DCC: variants seen among roughly 807,000 people sequenced by gnomAD.
DCC encodes the protein DCC netrin 1 receptor, also known as netrin receptor DCC.
Under a neutral mutation model 172.5 loss-of-function variants are expected in DCC, and 58 were observed. The observed-to-expected ratio is 0.34, with a 90% CI of 0.27 to 0.42. The LOEUF is 0.42. DCC is among the 10% of genes least tolerant of loss of function. DCC has a pLI of 1.00. For synonymous variants in DCC, 709 were observed against 644.5 expected (o/e 1.10, Z -1.52); for missense variants, 1,740 against 1,791.0 (o/e 0.97, Z 0.51).
chr18:52,686,266 C>A (rs1186719680), intron 1 of DCC, among the ~76,000 whole-genome samples: 2 of 152,142 alleles, frequency 1.3e-5, no homozygotes, highest in African/African-American at 4.8e-5. Flanking sequence ...GGCCACATAT[C>A]ATTGTGGCTA....
chr18:53,369,280 G>C (rs1041916311), intron 15 of DCC, among the ~76,000 whole-genome samples: 1 of 151,634 alleles, frequency 6.6e-6, no homozygotes, highest in Admixed American at 6.6e-5. Flanking sequence ...GTGTTATTTT[G>C]CTAAATTCGT....
At chr18:52,619,053 T>C (rs2144855785) in intron 1 of DCC, among the ~76,000 whole-genome samples, 1 of 152,310 alleles carries the variant, frequency 6.6e-6, no homozygotes, top group Non-Finnish European at 1.5e-5. Context: ...TTCTTGTGCC[T>C]CAGCCTCCTG....
intron 2 of DCC, among the ~76,000 whole-genome samples, chr18:52,898,800 G>GT (rs1267561240): frequency 6.6e-6 from 1 of 151,956 alleles, no homozygotes; most frequent in Non-Finnish European, 1.5e-5. Context: ...AAATATTTGG[G>GT]TTGTGCCTAG....
chr18:53,115,993 G>T (rs2043403781), intron 7 of DCC, among the ~76,000 whole-genome samples: 1 of 151,500 alleles, frequency 6.6e-6, no homozygotes, highest in Non-Finnish European at 1.5e-5. Context: ...GTGGGGAATG[G>T]TTCAAAGTAG....
intron 11 of DCC, among the ~76,000 whole-genome samples, chr18:53,213,863 A>G (rs1045863592): frequency 1.4e-5 from 2 of 147,902 alleles, no homozygotes; most frequent in African/African-American, 5.1e-5. Flanking sequence ...AATAGATTAA[A>G]TAATAATACA....
At chr18:52,789,065 T>C (rs2037712522) in intron 2 of DCC, among the ~76,000 whole-genome samples, 1 of 152,102 alleles carries the variant, frequency 6.6e-6, no homozygotes, top group Admixed American at 6.6e-5. Context: ...CTTCCGTAAC[T>C]ACGATTAGAC....
chr18:52,610,151 TAAAAAAAAAAAAAAA>T (rs1171109968), intron 1 of DCC, among the ~76,000 whole-genome samples: 298 of 19,016 alleles, frequency 0.016, 16 homozygotes, highest in African/African-American at 0.039. Context: ...CCATCTCTCA[TAAAAAAAAAAAAAAA>T]AAAAAAAAAA....
intron 7 of DCC, among the ~76,000 whole-genome samples, chr18:53,135,477 C>G (rs1171373203): frequency 2.6e-5 from 4 of 152,116 alleles, no homozygotes; most frequent in Non-Finnish European, 2.9e-5. Context: ...CTCCTTATCC[C>G]ACATCTGAAT....
intron 1 of DCC, among the ~76,000 whole-genome samples, chr18:52,748,036 G>C (rs1248005826): frequency 6.6e-6 from 1 of 152,184 alleles, no homozygotes; most frequent in Admixed American, 6.5e-5. Context: ...CGGTCGGCTC[G>C]TGCTACGACC....
intron 1 of DCC, among the ~76,000 whole-genome samples, chr18:52,596,411 A>G (rs890983865): frequency 2.6e-5 from 4 of 152,320 alleles, no homozygotes; most frequent in African/African-American, 9.6e-5. Flanking sequence ...CTTAGAGATC[A>G]TTTAACCTGA....
intron 5 of DCC, among the ~76,000 whole-genome samples, chr18:52,971,141 A>G (rs1041319050): frequency 6.6e-6 from 1 of 152,126 alleles, no homozygotes; most frequent in Non-Finnish European, 1.5e-5. Context: ...CAGAAAAAAA[A>G]CACAGCTTTT....
intron 1 of DCC, among the ~76,000 whole-genome samples, chr18:52,673,210 T>C (rs903212156): frequency 6.6e-6 from 1 of 152,228 alleles, no homozygotes; most frequent in Non-Finnish European, 1.5e-5. Context: ...CATTTTTAAA[T>C]TAAACTCCAG....
intron 5 of DCC, among the ~76,000 whole-genome samples, chr18:52,991,775 A>G (rs115250846): frequency 0.021 from 3,247 of 152,284 alleles, 58 homozygotes; most frequent in Admixed American, 0.039. Flanking sequence ...TAACATCACC[A>G]TTTGTGAGAA....
intron 12 of DCC, among the ~76,000 whole-genome samples, chr18:53,216,236 G>A (rs2055846668): frequency 6.6e-6 from 1 of 152,084 alleles, no homozygotes; most frequent in African/African-American, 2.4e-5. Flanking sequence ...AAGTGACTCA[G>A]GGTTGGAAAT....
chr18:52,507,556 T>C (rs1222189320), intron 1 of DCC, among the ~76,000 whole-genome samples: 2 of 152,220 alleles, frequency 1.3e-5, no homozygotes, highest in African/African-American at 4.8e-5. Flanking sequence ...ACCTGTTCTT[T>C]GCCAAACTGT....
At chr18:52,668,072 G>A (rs1376481979) in intron 1 of DCC, among the ~76,000 whole-genome samples, 2 of 151,830 alleles carry the variant, frequency 1.3e-5, no homozygotes, top group Non-Finnish European at 2.9e-5. Context: ...AAAAAACAGT[G>A]AGTCTGTCAA....
Position 52,584,893 on chromosome 18 carries a change from C to T in DCC, c.92-167161C>T, listed in dbSNP as rs143780231. Reference sequence around the variant, plus strand: ...CTCACTTAATCACCCAATGCTATGGCATAAACCTTGGGCATATGGCTCTAG... The same window carrying T: ...CTCACTTAATCACCCAATGCTATGGTATAAACCTTGGGCATATGGCTCTAG... On this transcript the variant is annotated intron_variant, in intron 1 of 28. Coordinates refer to ENST00000442544, the MANE Select transcript of DCC (RefSeq NM_005215.4). Among the ~76,000 whole-genome samples the T allele has an allele frequency of 4.2e-3, 633 of 152,214 alleles. 1 individual carries two copies. Among genetic ancestry groups the T allele is most frequent in the Non-Finnish European group, 6.7e-3 (459 of 68,004 alleles).
intron 15 of DCC, among the ~76,000 whole-genome samples, chr18:53,385,815 G>C (rs1008109568): frequency 6.6e-6 from 1 of 152,054 alleles, no homozygotes; most frequent in African/African-American, 2.4e-5. Flanking sequence ...AAATGCTTTC[G>C]GTTTTCTACC....
chr18:53,024,175 A>G (rs2041924167), intron 5 of DCC, among the ~76,000 whole-genome samples: 1 of 152,204 alleles, frequency 6.6e-6, no homozygotes, highest in African/African-American at 2.4e-5. Context: ...TTAACTTTTA[A>G]CAAGAAACAC....
Sources: gnomAD v4.1 joint callset for allele counts (sites outside exome capture counted in the v4.1 genomes callset) on GRCh38, gnomAD v4.1.1 for gene constraint, MANE v1.5 for transcripts, NCBI Gene and HGNC (gene_info 2026-07-23, HGNC 2026-07-21) for gene names.